The following PTPRM variants were observed in gnomAD, a reference collection of about 807,000 sequenced individuals.
PTPRM encodes protein tyrosine phosphatase receptor type M, also known as receptor-type tyrosine-protein phosphatase mu.
A neutral mutation model predicts 186.7 loss-of-function variants in PTPRM; 47 were observed. The observed-to-expected ratio is 0.25, with a 90% confidence interval of 0.20 to 0.32. The LOEUF is 0.32. PTPRM is among the 10% of genes least tolerant of loss of function. PTPRM has a pLI of 1.00. For synonymous variants in PTPRM, 668 were observed against 674.9 expected, an observed-to-expected ratio of 0.99 and a Z score of 0.16; for missense variants, 1,494 against 1,865.0, an observed-to-expected ratio of 0.80 and a Z score of 3.66.
chr18:8,117,851 T>G (rs567459728), intron 13 of PTPRM, among the ~76,000 whole-genome samples: 2 of 152,358 alleles, frequency 1.3e-5, no homozygotes, highest in Admixed American at 6.5e-5. Flanking sequence ...GTGAATAGAG[T>G]AGCTTTTAAA....
intron 7 of PTPRM, among the ~76,000 whole-genome samples, chr18:8,031,174 G>C (rs1357049671): frequency 6.6e-6 from 1 of 152,126 alleles, no homozygotes; most frequent in Non-Finnish European, 1.5e-5. Flanking sequence ...ACTTTAGTTA[G>C]CACATGCTAA....
At chr18:7,987,471 T>C (rs1015344590) in intron 7 of PTPRM, among the ~76,000 whole-genome samples, 8 of 152,140 alleles carry the variant, frequency 5.3e-5, no homozygotes, top group African/African-American at 1.9e-4. Context: ...TGGGGGAAGA[T>C]TAGTCATGAA....
intron 4 of PTPRM, among the ~76,000 whole-genome samples, chr18:7,918,501 A>T (rs1028075035): frequency 2.6e-5 from 4 of 151,938 alleles, no homozygotes; most frequent in African/African-American, 9.7e-5. Context: ...GAGGTTGAAC[A>T]TTTTTTTTCC....
At chr18:8,392,719 T>C (rs1416054459) in intron 31 of PTPRM, among the ~76,000 whole-genome samples, 1 of 151,838 alleles carries the variant, frequency 6.6e-6, no homozygotes, top group Non-Finnish European at 1.5e-5. Context: ...CATTATGTGG[T>C]TGCAGAGAGT....
At chr18:8,329,192 T>G (rs2095397110) in intron 22 of PTPRM, among the ~76,000 whole-genome samples, 2 of 152,154 alleles carry the variant, frequency 1.3e-5, no homozygotes, top group African/African-American at 4.8e-5. Context: ...AAGTAGAAAA[T>G]TTGTAGAATC....
At chr18:8,138,204 C>T (rs2092681962) in intron 13 of PTPRM, among the ~76,000 whole-genome samples, 1 of 68,842 alleles carries the variant, frequency 1.5e-5, no homozygotes, top group South Asian at 4.9e-4. Context: ...TCACCCCCTA[C>T]CTTTTTTTTT....
intron 1 of PTPRM, among the ~76,000 whole-genome samples, chr18:7,684,864 C>T (rs1055021667): frequency 2.0e-5 from 3 of 152,074 alleles, no homozygotes; most frequent in Admixed American, 2.0e-4. Flanking sequence ...GGTAAATACA[C>T]CTAAGTGGGA....
chr18:8,055,582 G>T lies in PTPRM; in HGVS notation c.1133-14104G>T, dbSNP rs190220277. On this transcript the variant is annotated intron_variant, in intron 7 of 32. Transcript: ENST00000580170. ...ACATTTTTAATTTTAGAAGTGGCAC[G>T]CAAATTTTATATTCTGAATCTGGTA... is the stretch of plus-strand genomic sequence containing the variant. Among the ~76,000 whole-genome samples, 273 of 152,182 alleles carry T rather than the reference G, an allele frequency of 1.8e-3. 1 individual carries two copies. Among genetic ancestry groups the T allele is most frequent in the Middle Eastern group, 6.8e-3 (2 of 294 alleles).
intron 1 of PTPRM, among the ~76,000 whole-genome samples, chr18:7,639,860 A>C (rs1035375276): frequency 6.6e-6 from 1 of 152,222 alleles, no homozygotes; most frequent in Non-Finnish European, 1.5e-5. Context: ...TCTAGTTAGA[A>C]TATATCTGTA....
At chr18:7,940,581 G>A (rs902659016) in intron 5 of PTPRM, among the ~76,000 whole-genome samples, 1 of 152,128 alleles carries the variant, frequency 6.6e-6, no homozygotes, top group African/African-American at 2.4e-5. Context: ...GGAAAGAACA[G>A]CCAGGAGTCC....
At position 7,982,269 on chromosome 18, in the gene PTPRM, G is replaced by GT. The variant is rs536044364; in HGVS notation, c.1132+26860dup. On this transcript the variant is annotated intron_variant, in intron 7 of 32. Coordinates refer to ENST00000580170, the MANE Select transcript of PTPRM (RefSeq NM_001105244.2). Reference sequence around the variant, plus strand: ...ATTCTTATTCTATAAGCTGTTTTCTGTTTTTAAGTTTTTACTTTTTTTTTT... The same window carrying GT: ...ATTCTTATTCTATAAGCTGTTTTCTGTTTTTTAAGTTTTTACTTTTTTTTTT... 5.1e-3 allele frequency among the ~76,000 whole-genome samples: 730 copies of GT among 142,500 alleles called. 5 individuals carry two copies. The highest frequency in any genetic ancestry group is 0.018 in the African/African-American group (691 of 38,922). The allele number at this position is 142,500 out of a possible 152,430, so 93.5% of individuals were successfully genotyped here.
intron 23 of PTPRM, among the ~76,000 whole-genome samples, chr18:8,365,993 G>T (rs1322333906): frequency 6.6e-6 from 1 of 152,116 alleles, no homozygotes; most frequent in Admixed American, 6.5e-5. Context: ...CCTGGGGAGA[G>T]GGGGGCTTCA....
In PTPRM at chr18:8,388,817, C is replaced by T. The variant is rs561997046; in HGVS notation, c.4208+1582C>T. ...TCTACTAAAAACACAAAAAATTAGCCAGGCATGGTGGTGGGCACCTGTAGT... is the reference window on the plus strand; with the variant it reads ...TCTACTAAAAACACAAAAAATTAGCTAGGCATGGTGGTGGGCACCTGTAGT... On this transcript the variant is annotated intron_variant, in intron 31 of 32. Transcript: ENST00000580170. 2.6e-3 allele frequency among the ~76,000 whole-genome samples: 394 copies of T among 152,218 alleles called. 3 individuals are homozygous for T. Among genetic ancestry groups the T allele is most frequent in the African/African-American group, 9.3e-3 (388 of 41,548 alleles).
Position 7,949,310 on chromosome 18 carries a change from G to A in PTPRM, c.793G>A (p.Glu265Lys). 5 of 1,614,128 alleles carry A rather than the reference G, an allele frequency of 3.1e-6. No homozygotes were observed. Among genetic ancestry groups the A allele is most frequent in the Non-Finnish European group, 4.2e-6 (5 of 1,179,986 alleles). ...AAAGTACCGCTGCATGATTCGCACT[G>A]AAGGAGGTGTTGGAATATCAAACTA... ...AGKYRCMIRT[E>K]GGVGISNYAE... Residue 265 changes from glutamate to lysine, a missense_variant, in exon 6 of 33, where the codon GAA (glutamate) becomes AAA (lysine). Physicochemically the swap from Glu to Lys is moderately conservative, Grantham distance 56. Transcript: ENST00000580170.
intron 14 of PTPRM, among the ~76,000 whole-genome samples, chr18:8,237,354 A>G (rs1444303622): frequency 6.7e-6 from 1 of 148,508 alleles, no homozygotes; most frequent in Non-Finnish European, 1.5e-5. Context: ...CAAGTTTCTG[A>G]TCTATCATTT....
chr18:7,899,437 G>A (rs139142181), intron 3 of PTPRM, among the ~76,000 whole-genome samples: 497 of 152,274 alleles, frequency 3.3e-3, no homozygotes, highest in African/African-American at 0.011. Context: ...CTTGAATAAT[G>A]AGGATTGACT....
At position 8,240,268 on chromosome 18, in the gene PTPRM, T is replaced by G. The variant is rs150875578; in HGVS notation, c.2301-3790T>G. Among the ~76,000 whole-genome samples the G allele has an allele frequency of 9.8e-3, 1,492 of 152,202 alleles. 26 individuals carry two copies. Among genetic ancestry groups the G allele is most frequent in the African/African-American group, 0.034 (1,401 of 41,494 alleles). On this transcript the variant is annotated intron_variant, in intron 14 of 32. Transcript: ENST00000580170. The stretch of plus-strand genomic sequence containing the variant: ...CCTGTACAGGCATACATTGATTTAC[T>G]GTGCTTCACTTTATGGCTCTTTTGG...
chr18:7,848,814 C>G (rs1224746776), intron 2 of PTPRM, among the ~76,000 whole-genome samples: 1 of 152,128 alleles, frequency 6.6e-6, no homozygotes, highest in Non-Finnish European at 1.5e-5. Context: ...GAAATTTCTA[C>G]TTTACACAGT....
At chr18:8,046,803 G>T (rs7230272) in intron 7 of PTPRM, among the ~76,000 whole-genome samples, 4,596 of 152,158 alleles carry the variant, frequency 0.03, 212 homozygotes, top group African/African-American at 0.11. Flanking sequence ...GCATAAATGA[G>T]ATATTAATAA....
Sources: gnomAD v4.1 joint callset for allele counts (sites outside exome capture counted in the v4.1 genomes callset) on GRCh38, gnomAD v4.1.1 for gene constraint, MANE v1.5 for transcripts, NCBI Gene and HGNC (gene_info 2026-07-23, HGNC 2026-07-21) for gene names.